The following HBS1L variants were observed in gnomAD, a reference collection of about 807,000 sequenced individuals.
The protein encoded by HBS1L is HBS1 like translational GTPase.
In HBS1L, 55 loss-of-function variants were observed where a neutral mutation model predicts 88.9. The observed-to-expected ratio is 0.62, with a 90% CI of 0.50 to 0.77. The LOEUF (loss-of-function observed/expected upper bound fraction) is 0.77. HBS1L is among the 30% of genes least tolerant of loss of function. The pLI, the probability that HBS1L is intolerant of heterozygous loss-of-function variation, is 0.00. For synonymous variants in HBS1L, 267 were observed against 288.5 expected (o/e 0.93, Z 0.76); for missense variants, 741 against 829.3 (o/e 0.89, Z 1.31).
chr6:135,022,337 G>C (rs113847290), intron 4 of HBS1L, among the ~76,000 whole-genome samples: 1 of 150,688 alleles, frequency 6.6e-6, no homozygotes, highest in Admixed American at 6.6e-5. Flanking sequence ...AAAAAAGCAA[G>C]GTAATTAATG....
At chr6:135,026,784 T>A (rs1776238010) in intron 4 of HBS1L, 1 of 151,726 alleles carries the variant, frequency 6.6e-6, no homozygotes, top group Admixed American at 6.6e-5. Context: ...TCTTTATATA[T>A]CAAATTTTAC....
chr6:135,024,439 CAAAAAAAAAAAAA>C (rs60663059), intron 4 of HBS1L, among the ~76,000 whole-genome samples: 3 of 66,496 alleles, frequency 4.5e-5, no homozygotes, highest in Admixed American at 1.7e-4. Flanking sequence ...GACTTCGTCT[CAAAAAAAAAAAAA>C]AAAAAAAAAA....
chr6:135,039,486 T>A, intron 4 of HBS1L, 87 bp downstream of exon 4: 1 of 1,065,626 alleles, frequency 9.4e-7, no homozygotes, highest in Non-Finnish European at 1.4e-6. Flanking sequence ...GCAAATTAAA[T>A]ATTTTCTTAA....
chr6:134,991,068 C>T (rs1292320109), intron 8 of HBS1L, among the ~76,000 whole-genome samples: 1 of 148,786 alleles, frequency 6.7e-6, no homozygotes, highest in African/African-American at 2.5e-5. Context: ...CAGACATACA[C>T]ACACACACAC....
chr6:135,023,648 G>A (rs1303723009), intron 4 of HBS1L, among the ~76,000 whole-genome samples: 1 of 151,952 alleles, frequency 6.6e-6, no homozygotes, highest in Non-Finnish European at 1.5e-5. Flanking sequence ...TTATTTGAAG[G>A]GAAAACTAGA....
intron 4 of HBS1L, among the ~76,000 whole-genome samples, chr6:135,023,657 G>T (rs13209780): frequency 6.6e-6 from 1 of 151,878 alleles, no homozygotes; most frequent in Non-Finnish European, 1.5e-5. Flanking sequence ...GGGAAAACTA[G>T]ATAAAATTCA....
intron 8 of HBS1L, among the ~76,000 whole-genome samples, chr6:134,989,898 C>CA (rs2114789660): frequency 6.6e-6 from 1 of 152,266 alleles, no homozygotes; most frequent in African/African-American, 2.4e-5. Context: ...TACCTGTAGT[C>CA]AATAACTGTT....
chr6:134,978,867 A>C, intron 14 of HBS1L, 80 bp from the exon 15 acceptor site: 1 of 840,672 alleles, frequency 1.2e-6, no homozygotes, highest in Non-Finnish European at 1.9e-6. Context: ...AAACATTTAC[A>C]AGGAAAGTAA....
chr6:134,977,334 A>C (rs995001571), intron 15 of HBS1L, among the ~76,000 whole-genome samples: 1 of 152,020 alleles, frequency 6.6e-6, no homozygotes, highest in Non-Finnish European at 1.5e-5. Flanking sequence ...TTATTGCATG[A>C]GTAAAAATAT....
intron 4 of HBS1L, among the ~76,000 whole-genome samples, chr6:135,012,289 T>C (rs2114837532): frequency 6.6e-6 from 1 of 152,242 alleles, no homozygotes; most frequent in African/African-American, 2.4e-5. Context: ...ACAACTAAAA[T>C]ATAATATAGC....
chr6:134,978,616 C>A, intron 15 of HBS1L, 63 bp downstream of exon 15: 1 of 887,910 alleles, frequency 1.1e-6, no homozygotes, highest in South Asian at 1.7e-5. Flanking sequence ...AAAGTTACCA[C>A]TTTTAGGATA....
chr6:135,036,031 CAA>C (rs1164189631), intron 4 of HBS1L: 2 of 685,122 alleles, frequency 2.9e-6, no homozygotes, highest in African/African-American at 2.0e-5. Context: ...ACAGTACTCT[CAA>C]AAGTCAGGAA....
At position 134,962,135 on chromosome 6, in the gene HBS1L, G is replaced by C. The variant is rs1452435411; in HGVS notation, c.*3144C>G. On this transcript the variant is annotated 3_prime_UTR_variant, in exon 18 of 18. Coordinates refer to ENST00000367837, the MANE Select transcript of HBS1L (RefSeq NM_006620.4). ...TAAATATTTTAGAGGGAAATTAGAAGATGATTCAGTAGTTTGTATTGGGCC... is the reference window on the plus strand; with the variant it reads ...TAAATATTTTAGAGGGAAATTAGAACATGATTCAGTAGTTTGTATTGGGCC... The C allele has an allele frequency of 6.6e-6, 1 of 152,146 alleles. No individual in the cohort carries two copies. Among genetic ancestry groups the C allele is most frequent in the Non-Finnish European group, 1.5e-5 (1 of 68,018 alleles). 9.4% of individuals were successfully genotyped at this position (152,146 alleles called of 1,614,324 possible).
intron 7 of HBS1L, among the ~76,000 whole-genome samples, chr6:134,994,441 A>G (rs1427346364): frequency 2.0e-5 from 3 of 152,294 alleles, no homozygotes; most frequent in East Asian, 3.9e-4. Context: ...CCTGGAGACC[A>G]ACATAGTGCC....
At chr6:134,975,382 T>C (rs1439221683) in intron 15 of HBS1L, among the ~76,000 whole-genome samples, 2 of 152,138 alleles carry the variant, frequency 1.3e-5, no homozygotes, top group African/African-American at 4.8e-5. Context: ...ACTAACATCA[T>C]TTTCCACAAG....
At chr6:134,975,009 A>T (rs945556924) in intron 15 of HBS1L, among the ~76,000 whole-genome samples, 3 of 152,208 alleles carry the variant, frequency 2.0e-5, no homozygotes, top group Non-Finnish European at 4.4e-5. Context: ...TACCTAAAAA[A>T]TCCTAAAGAT....
rs763285569 is a variant in HBS1L at position 134,986,186 on chromosome 6, A to G, written c.1306-3T>C. On this transcript the variant is annotated splice_region_variant and splice_polypyrimidine_tract_variant and intron_variant, in intron 10 of 17. Transcript: ENST00000367837. ...GGAATAAAACCTACATCACTCTCCT[A>G]TTAAAAAGATTGACTTATGAAACTT... 2.2e-6 allele frequency: 3 copies of G among 1,361,474 alleles called. No homozygotes were observed. Among genetic ancestry groups the G allele is most frequent in the African/African-American group, 1.4e-5 (1 of 69,392 alleles). 84.3% of individuals were successfully genotyped at this position (1,361,474 alleles called of 1,614,324 possible). A position where few individuals can be genotyped will look rare whatever the true frequency, so the allele number is the denominator to read the frequency against.
intron 15 of HBS1L, among the ~76,000 whole-genome samples, chr6:134,975,895 TA>T (rs1435594601): frequency 6.6e-6 from 1 of 151,708 alleles, no homozygotes; most frequent in African/African-American, 2.4e-5. Flanking sequence ...TCAACGGAAA[TA>T]AAAATAAATA....
chr6:135,036,148 A>G (rs965272769), intron 4 of HBS1L: 26 of 740,820 alleles, frequency 3.5e-5, no homozygotes, highest in African/African-American at 1.3e-4. Context: ...GCTGTGCCAC[A>G]TAAGAATAAT....
Sources: gnomAD v4.1 joint callset for allele counts (sites outside exome capture counted in the v4.1 genomes callset) on GRCh38, gnomAD v4.1.1 for gene constraint, MANE v1.5 for transcripts, NCBI Gene and HGNC (gene_info 2026-07-23, HGNC 2026-07-21) for gene names.